PI4KA: variants seen among roughly 807,000 people sequenced by gnomAD.
PI4KA encodes phosphatidylinositol 4-kinase alpha.
In PI4KA, 122 loss-of-function variants were observed where a neutral mutation model predicts 271.4. The observed-to-expected ratio is 0.45, with a 90% confidence interval of 0.39 to 0.52. The LOEUF is 0.52. PI4KA is among the 20% of genes least tolerant of loss of function. The probability of loss-of-function intolerance (pLI) is 0.00; values close to 1 mark genes in which losing one functional copy is unlikely to be tolerated. For missense variants in PI4KA, 1,969 were observed against 2,769.1 expected (o/e 0.71, Z 6.48); for synonymous variants, 1,041 against 1,078.8 (o/e 0.96, Z 0.69).
rs200231229 is a variant in PI4KA at position 20,742,616 on chromosome 22, C to T, written c.3605G>A (p.Ser1202Asn). The T allele has an allele frequency of 3.7e-6, 6 of 1,614,152 alleles. No homozygotes were observed. The African/African-American group carries it at 6.7e-5, about 18-fold the overall frequency. ...AMFKLTAMLI[S>N]SKDCDPQLLH... ...GTGCTTCAGTGAGTTACCTTTACTG[C>T]TAATGAGCATTGCGGTCAGCTTGAA... Residue 1202 changes from serine (S) to asparagine (N), a missense_variant, in exon 31 of 55, where the codon AGC becomes AAC. Physicochemically the swap from Ser to Asn is conservative, Grantham distance 46 (BLOSUM62 1). Coordinates refer to ENST00000255882, the MANE Select transcript of PI4KA (RefSeq NM_058004.4).
In PI4KA at chr22:20,733,023, G is replaced by A. The variant is rs145132126; in HGVS notation, c.4236C>T (p.Thr1412=). Residue 1412 remains threonine (T), a synonymous_variant, in exon 36 of 55, where the codon ACC becomes ACT. Coordinates refer to ENST00000255882, the MANE Select transcript of PI4KA (RefSeq NM_058004.4). ...GGTACTTCTTATCTGAGAACATGGCGGTCCAAAATTTAATCATGATGCTTA... is the reference window on the plus strand; with the variant it reads ...GGTACTTCTTATCTGAGAACATGGCAGTCCAAAATTTAATCATGATGCTTA... ...EDISIMIKFW[T]AMFSDKKYLT... 33 of 1,610,680 alleles carry A rather than the reference G, an allele frequency of 2.0e-5. No homozygotes were observed. Among genetic ancestry groups the A allele is most frequent in the Middle Eastern group, 4.5e-4 (2 of 4,452 alleles).
At chr22:20,748,690 G>A (rs1165631697) in intron 28 of PI4KA, among the ~76,000 whole-genome samples, 1 of 152,208 alleles carries the variant, frequency 6.6e-6, no homozygotes, top group Non-Finnish European at 1.5e-5. Context: ...ATGCAGAATT[G>A]TCTCAATGGT....
At chr22:20,709,143 AC>A (rs1568940074) in intron 54 of PI4KA, among the ~76,000 whole-genome samples, 152 bp downstream of exon 54, 1 of 151,758 alleles carries the variant, frequency 6.6e-6, no homozygotes, top group African/African-American at 2.4e-5. Context: ...CCAGCACCCC[AC>A]TGCTCCTCAA....
intron 17 of PI4KA, among the ~76,000 whole-genome samples, chr22:20,797,913 T>G (rs1935077537): frequency 6.6e-6 from 1 of 152,020 alleles, no homozygotes; most frequent in African/African-American, 2.4e-5. Context: ...TGACTTCACC[T>G]CTCCCCTTCC....
rs1428059975 is a variant in PI4KA, at chr22:20,858,681, GCCT to G, written c.42_44del (p.Gly18del). On this transcript the variant is annotated inframe_deletion, in exon 1 of 55. Coordinates refer to ENST00000255882, the MANE Select transcript of PI4KA (RefSeq NM_058004.4). ...AGCCGGAGCCGGAGCAGCCGCCGCC[GCCT>G]CCGCCTCCGCCTCCGCCTCCCCGGG... The G allele has an allele frequency of 2.1e-6, 3 of 1,451,266 alleles. No individual in the cohort carries two copies. The highest frequency in any genetic ancestry group is 3.1e-5 in the African/African-American group (2 of 64,324). The allele number at this position is 1,451,266 out of a possible 1,614,324, so 89.9% of individuals were successfully genotyped here.
chr22:20,845,575 CTGA>C (rs1419155521), intron 1 of PI4KA, among the ~76,000 whole-genome samples: 1 of 152,122 alleles, frequency 6.6e-6, no homozygotes, highest in Non-Finnish European at 1.5e-5. Context: ...TGAATATAAG[CTGA>C]TATTTTCGAA....
chr22:20,768,999 T>C (rs148161747), intron 19 of PI4KA, among the ~76,000 whole-genome samples: 1 of 152,286 alleles, frequency 6.6e-6, no homozygotes, highest in African/African-American at 2.4e-5. Flanking sequence ...GGTGGAGATA[T>C]GAAGGGGTTT....
At chr22:20,755,972 A>G (rs1052923475) in intron 23 of PI4KA, among the ~76,000 whole-genome samples, 1 of 152,124 alleles carries the variant, frequency 6.6e-6, no homozygotes, top group Non-Finnish European at 1.5e-5. Context: ...CTCTGCCTCC[A>G]GGCAGAGAGA....
chr22:20,815,801 C>T (rs1448995568), intron 7 of PI4KA, among the ~76,000 whole-genome samples: 1 of 152,154 alleles, frequency 6.6e-6, no homozygotes, highest in African/African-American at 2.4e-5. Context: ...GGGCACTTCT[C>T]AGAAAGACAC....
intron 23 of PI4KA, 30 bp from the exon 24 acceptor site, chr22:20,753,210 TG>T: frequency 1.1e-5 from 17 of 1,589,246 alleles, no homozygotes; most frequent in Non-Finnish European, 1.5e-5. Flanking sequence ...ATGGATAAGG[TG>T]CAGCAACAGA....
At chr22:20,802,693 G>A (rs111257206) in intron 13 of PI4KA, among the ~76,000 whole-genome samples, 174 of 152,278 alleles carry the variant, frequency 1.1e-3, no homozygotes, top group African/African-American at 4.0e-3. Flanking sequence ...GCGCCATCAC[G>A]CCTGGCTAAA....
intron 23 of PI4KA, 51 bp downstream of exon 23, chr22:20,761,253 T>C (rs1199402972): frequency 9.6e-7 from 1 of 1,039,482 alleles, no homozygotes; most frequent in Non-Finnish European, 1.5e-6. Flanking sequence ...TACGCCTTTT[T>C]ACCCTATTAA....
intron 30 of PI4KA, among the ~76,000 whole-genome samples, chr22:20,744,371 A>T (rs1929825455): frequency 3.3e-5 from 5 of 152,224 alleles, no homozygotes. Context: ...AAAAAAAGCC[A>T]AAAAAATTAA....
At chr22:20,729,202 T>G (rs1322312716) in intron 39 of PI4KA, 111 bp downstream of exon 39, 3 of 877,766 alleles carry the variant, frequency 3.4e-6, no homozygotes, top group Non-Finnish European at 5.2e-6. Context: ...TTCCTGACTA[T>G]CCTTGAAAGG....
chr22:20,827,822 T>C (rs1416750841), intron 3 of PI4KA, among the ~76,000 whole-genome samples: 1 of 152,036 alleles, frequency 6.6e-6, no homozygotes, highest in African/African-American at 2.4e-5. Context: ...TGAGATGGAG[T>C]CTCACTCTGT....
At chr22:20,752,778 T>C in intron 25 of PI4KA, 125 bp downstream of exon 25, 1 of 987,082 alleles carries the variant, frequency 1.0e-6, no homozygotes, top group Non-Finnish European at 1.6e-6. Flanking sequence ...GCATCACCCT[T>C]AGGAGTTTTC....
intron 18 of PI4KA, among the ~76,000 whole-genome samples, chr22:20,794,618 T>C (rs1329991216): frequency 6.6e-6 from 1 of 152,148 alleles, no homozygotes. Flanking sequence ...GGGGACTCCT[T>C]CATGCAGTTG....
At chr22:20,765,442 A>G (rs1192274859) in intron 20 of PI4KA, 143 bp downstream of exon 20, 1 of 749,058 alleles carries the variant, frequency 1.3e-6, no homozygotes, top group African/African-American at 1.7e-5. Context: ...TGGGGACAGT[A>G]ACACTTGCTA....
intron 45 of PI4KA, among the ~76,000 whole-genome samples, chr22:20,715,892 C>G (rs1261067758): frequency 1.3e-5 from 2 of 151,798 alleles, no homozygotes; most frequent in Non-Finnish European, 2.9e-5. Flanking sequence ...CTTTTCTTTT[C>G]TTGTTTTTGC....
Sources: gnomAD v4.1 joint callset for allele counts (sites outside exome capture counted in the v4.1 genomes callset) on GRCh38, gnomAD v4.1.1 for gene constraint, MANE v1.5 for transcripts, NCBI Gene and HGNC (gene_info 2026-07-23, HGNC 2026-07-21) for gene names.